Variants in MPPED2 observed in about 807,000 individuals in gnomAD.
The protein encoded by MPPED2 is metallophosphoesterase MPPED2.
MPPED2 carries 5 observed loss-of-function variants against 33.0 expected under a neutral mutation model. That is an observed-to-expected ratio of 0.15 (90% CI 0.08 to 0.32). The LOEUF is 0.32. Among genes scored for constraint, MPPED2 ranks in the 10% least tolerant of loss-of-function variants. MPPED2 has a pLI of 1.00. For synonymous variants in MPPED2, 136 were observed against 141.9 expected (o/e 0.96, Z 0.29); for missense variants, 275 against 372.1 (o/e 0.74, Z 2.15).
chr11:30,556,929 C>T (rs2134677076), intron 2 of MPPED2, among the ~76,000 whole-genome samples: 1 of 151,944 alleles, frequency 6.6e-6, no homozygotes, highest in African/African-American at 2.4e-5. Context: ...TCCCCAAAAG[C>T]AGTGTTGAAC....
intron 6 of MPPED2, among the ~76,000 whole-genome samples, chr11:30,391,363 C>G (rs1015218854): frequency 6.6e-6 from 1 of 152,128 alleles, no homozygotes; most frequent in Non-Finnish European, 1.5e-5. Flanking sequence ...GTAGACCAGC[C>G]CTCAGGTTCC....
At chr11:30,495,911 C>T (rs949427381) in intron 3 of MPPED2, among the ~76,000 whole-genome samples, 2 of 152,078 alleles carry the variant, frequency 1.3e-5, no homozygotes, top group African/African-American at 4.8e-5. Flanking sequence ...CATAATCTAA[C>T]CAACTATTCT....
chr11:30,388,712 A>C, exon 7 of MPPED2: 2 of 744,674 alleles, frequency 2.7e-6, no homozygotes, highest in Middle Eastern at 2.6e-4. Flanking sequence ...CCTGTTGTCC[A>C]CCAGGTGAGC....
intron 4 of MPPED2, chr11:30,469,070 G>A (rs1950841856): frequency 6.6e-6 from 1 of 152,170 alleles, no homozygotes; most frequent in Non-Finnish European, 1.5e-5. Flanking sequence ...TGGTGCACAG[G>A]AAGGAACCGA....
At chr11:30,481,421 G>T (rs1339595728) in intron 4 of MPPED2, among the ~76,000 whole-genome samples, 1 of 152,090 alleles carries the variant, frequency 6.6e-6, no homozygotes, top group Non-Finnish European at 1.5e-5. Context: ...ATCTGGTCCC[G>T]TTTAAAGCAA....
downstream of MPPED2, among the ~76,000 whole-genome samples, chr11:30,408,984 T>C (rs930051445): frequency 6.6e-6 from 1 of 152,224 alleles, no homozygotes; most frequent in African/African-American, 2.4e-5. Flanking sequence ...AATGGTGGAC[T>C]GGCTGAAGAA....
At chr11:30,422,497 A>G (rs1948654881) in intron 4 of MPPED2, among the ~76,000 whole-genome samples, 1 of 152,220 alleles carries the variant, frequency 6.6e-6, no homozygotes, top group Non-Finnish European at 1.5e-5. Context: ...TGAATGTGTC[A>G]GTGCCAATGA....
intron 3 of MPPED2, among the ~76,000 whole-genome samples, chr11:30,531,237 C>A (rs190748873): frequency 1.9e-3 from 295 of 152,276 alleles, no homozygotes; most frequent in Non-Finnish European, 3.2e-3. Context: ...GGCAATAAAT[C>A]TTTGACAATA....
At chr11:30,467,125 G>A (rs927932030) in intron 4 of MPPED2, among the ~76,000 whole-genome samples, 1 of 152,114 alleles carries the variant, frequency 6.6e-6, no homozygotes, top group African/African-American at 2.4e-5. Flanking sequence ...TTAAACAGAA[G>A]TTGCAAAAAC....
intron 2 of MPPED2, among the ~76,000 whole-genome samples, chr11:30,565,103 G>T (rs555358633): frequency 6.6e-6 from 1 of 152,246 alleles, no homozygotes; most frequent in African/African-American, 2.4e-5. Context: ...GTGGAACTCC[G>T]TGCAGCCTGT....
intron 1 of MPPED2, among the ~76,000 whole-genome samples, chr11:30,585,286 T>C (rs1344863966): frequency 6.6e-6 from 1 of 152,030 alleles, no homozygotes; most frequent in Non-Finnish European, 1.5e-5. Context: ...GCCGGGTCGC[T>C]CCGCAGGCTG....
chr11:30,430,649 A>G (rs1227916134), intron 4 of MPPED2, among the ~76,000 whole-genome samples: 2 of 152,264 alleles, frequency 1.3e-5, no homozygotes, highest in Non-Finnish European at 2.9e-5. Context: ...AGAGTTGTTC[A>G]CACAGTGTAA....
chr11:30,563,560 G>A (rs1442343049), intron 2 of MPPED2, among the ~76,000 whole-genome samples: 1 of 152,080 alleles, frequency 6.6e-6, no homozygotes, highest in African/African-American at 2.4e-5. Context: ...GAGATAGTAG[G>A]GGCAATTTCA....
chr11:30,575,080 A>G (rs1956868084), intron 2 of MPPED2, among the ~76,000 whole-genome samples: 1 of 152,230 alleles, frequency 6.6e-6, no homozygotes, highest in South Asian at 2.1e-4. Flanking sequence ...TGAACTGAAT[A>G]AGAATGAAAT....
intron 4 of MPPED2, among the ~76,000 whole-genome samples, chr11:30,485,145 G>A (rs1337275790): frequency 1.3e-5 from 2 of 152,100 alleles, no homozygotes; most frequent in African/African-American, 4.8e-5. Context: ...GAACATAAAG[G>A]CTTTGGAAGC....
chr11:30,565,210 G>T (rs762530267), intron 2 of MPPED2, among the ~76,000 whole-genome samples: 14 of 152,076 alleles, frequency 9.2e-5, no homozygotes, highest in Non-Finnish European at 1.6e-4. Flanking sequence ...TTATGGACGC[G>T]AGGAACTGAT....
chr11:30,422,122 C>T (rs916001768), intron 4 of MPPED2, among the ~76,000 whole-genome samples: 27 of 152,214 alleles, frequency 1.8e-4, no homozygotes, highest in Non-Finnish European at 3.8e-4. Context: ...AGTTTCCTCA[C>T]CTGAGCAATG....
intron 4 of MPPED2, among the ~76,000 whole-genome samples, chr11:30,490,030 A>G (rs1951906761): frequency 6.6e-6 from 1 of 152,196 alleles, no homozygotes. Flanking sequence ...CAGTAATCAA[A>G]AATACAAAGA....
intron 3 of MPPED2, among the ~76,000 whole-genome samples, chr11:30,531,105 C>CAAT (rs1304685936): frequency 6.6e-6 from 1 of 152,148 alleles, no homozygotes; most frequent in Non-Finnish European, 1.5e-5. Context: ...TCACCAAAGC[C>CAAT]TATTCATGGC....
Sources: allele counts gnomAD v4.1 joint callset (sites outside exome capture counted in the v4.1 genomes callset), GRCh38; gene constraint gnomAD v4.1.1; transcripts MANE v1.5; gene names NCBI Gene and HGNC (gene_info 2026-07-23, HGNC 2026-07-21).